The following MIB1 variants were observed in gnomAD, a reference collection of about 807,000 sequenced individuals.
MIB1 encodes E3 ubiquitin-protein ligase MIB1.
A neutral mutation model predicts 124.5 loss-of-function variants in MIB1; 278 were observed. The ratio of observed to expected loss-of-function variants is 2.23; its 90% CI spans 2.02 to 2.47. The LOEUF is 2.47. Among genes scored for constraint, MIB1 ranks in the 30% most tolerant of loss-of-function variants. The pLI is 0.00. For synonymous variants in MIB1, 446 were observed against 429.4 expected (o/e 1.04, Z -0.48); for missense variants, 957 against 1,254.4 (o/e 0.76, Z 3.58).
intron 17 of MIB1, among the ~76,000 whole-genome samples, chr18:21,850,414 A>G (rs945562578): frequency 6.6e-6 from 1 of 152,202 alleles, no homozygotes; most frequent in East Asian, 1.9e-4. Flanking sequence ...TTCTTAAGCT[A>G]TTCATTAACC....
At chr18:21,727,784 T>G (rs1474265864) in intron 1 of MIB1, among the ~76,000 whole-genome samples, 1 of 150,752 alleles carries the variant, frequency 6.6e-6, no homozygotes, top group African/African-American at 2.5e-5. Flanking sequence ...AGGTCAGGAA[T>G]GGAAAAAGAA....
At chr18:21,864,238 G>A (rs2042302240) in intron 20 of MIB1, among the ~76,000 whole-genome samples, 1 of 152,106 alleles carries the variant, frequency 6.6e-6, no homozygotes, top group Non-Finnish European at 1.5e-5. Flanking sequence ...AGCCTCTTGA[G>A]TAGCTGGGAT....
chr18:21,801,245 G>T (rs2041647827), intron 9 of MIB1, among the ~76,000 whole-genome samples: 1 of 151,530 alleles, frequency 6.6e-6, no homozygotes, highest in Admixed American at 6.6e-5. Context: ...TCCTTTCCTG[G>T]ATCTTTTGAT....
Position 21,799,968 on chromosome 18 carries a change from T to C in MIB1, c.1365T>C (p.Asp455=). The C allele has an allele frequency of 6.2e-7, 1 of 1,610,486 alleles. No individual in the cohort carries two copies. The highest frequency in any genetic ancestry group is 8.5e-7 in the Non-Finnish European group (1 of 1,177,650). The change falls in exon 9 of 21, where the codon GAT becomes GAC. Residue 455 remains aspartate, a synonymous_variant. Transcript: ENST00000261537. ...AKVEDLLKRP[D]VDVNGQCAGH... is the part of the protein sequence containing the mutation. The stretch of plus-strand genomic sequence containing the variant: ...TGGAAGATTTGCTTAAAAGACCAGA[T>C]GTGGATGTGAGCATTTTAAAAATTA...
Position 21,791,439 on chromosome 18 carries a change from GT to G in MIB1, c.975del (p.Ala326GlnfsTer41). 6.2e-7 allele frequency: 1 copy of G among 1,614,060 alleles called. No individual in the cohort carries two copies. Among genetic ancestry groups the G allele is most frequent in the Non-Finnish European group, 8.5e-7 (1 of 1,179,976 alleles). On this transcript the variant is annotated frameshift_variant, in exon 7 of 21. Transcript: ENST00000261537. LOFTEE classifies it high-confidence loss of function. Reference sequence around the variant, plus strand: ...GTCCGAAGTGGAGATGCTGCTCAGGGTGCAGAAGGAGGCACCTCGCAGTTTC... The same window carrying G: ...GTCCGAAGTGGAGATGCTGCTCAGGGGCAGAAGGAGGCACCTCGCAGTTTC... ...NIVRSGDAAQ[G>X]AEGGTSQFQV...
rs1568206357 is a variant in MIB1 at position 21,798,107 on chromosome 18, A to G, written c.1116A>G (p.Val372=). 1.9e-6 allele frequency: 3 copies of G among 1,613,182 alleles called. No individual in the cohort carries two copies. The highest frequency in any genetic ancestry group is 1.1e-5 in the South Asian group (1 of 91,012). The change falls in exon 8 of 21, where the codon GTA becomes GTG. Residue 372 remains valine, a synonymous_variant. Coordinates refer to ENST00000261537, the MANE Select transcript of MIB1 (RefSeq NM_020774.4). The part of the protein sequence containing the change: ...MLPTLGKVGR[V]QQIYSDSDLK... ...AGACTTTAGGTAAAGTTGGCCGAGT[A>G]CAACAGATTTATTCAGACAGTGATT...
chr18:21,856,089 G>T (rs2146518390), intron 18 of MIB1, among the ~76,000 whole-genome samples: 1 of 151,486 alleles, frequency 6.6e-6, no homozygotes, highest in African/African-American at 2.4e-5. Context: ...AATTAGCCGG[G>T]CGCGGTGGCG....
chr18:21,755,394 C>G (rs979311784), intron 1 of MIB1, among the ~76,000 whole-genome samples: 3 of 150,754 alleles, frequency 2.0e-5, no homozygotes, highest in Non-Finnish European at 4.4e-5. Flanking sequence ...TGCAATGGCA[C>G]TATCTCGGCT....
At chr18:21,719,622 T>C (rs1235013489) in intron 1 of MIB1, among the ~76,000 whole-genome samples, 1 of 150,920 alleles carries the variant, frequency 6.6e-6, no homozygotes, top group African/African-American at 2.4e-5. Flanking sequence ...ATTTTTTTTT[T>C]TTTTTTTTGT....
chr18:21,823,089 C>T (rs984820657), intron 12 of MIB1, among the ~76,000 whole-genome samples: 1 of 151,934 alleles, frequency 6.6e-6, no homozygotes, highest in African/African-American at 2.4e-5. Context: ...CAAAAATCAG[C>T]TGGGTGTAGT....
At chr18:21,749,857 G>C (rs1001792580) in intron 1 of MIB1, among the ~76,000 whole-genome samples, 1 of 151,742 alleles carries the variant, frequency 6.6e-6, no homozygotes, top group Non-Finnish European at 1.5e-5. Flanking sequence ...GGTCAGGCTG[G>C]TCTCGAACTC....
rs398032096 is a variant in MIB1 at position 21,860,098 on chromosome 18, C to CTTTTTTTTTTTTTTT, written c.2880+1465_2880+1479dup. ...GTGTTGGTTATGTTGTTCTTTATGT[C>CTTTTTTTTTTTTTTT]TTTTTTTTTTTTTTTTTTTTTTTTT... On this transcript the variant is annotated intron_variant, in intron 20 of 20. Transcript: ENST00000261537. Among the ~76,000 whole-genome samples the CTTTTTTTTTTTTTTT allele has an allele frequency of 8.7e-4, 23 of 26,462 alleles. 6 individuals carry two copies. Among genetic ancestry groups the CTTTTTTTTTTTTTTT allele is most frequent in the East Asian group, 1.5e-3 (1 of 676 alleles). 17.4% of individuals were successfully genotyped at this position (26,462 alleles called of 152,430 possible).
At chr18:21,779,448 T>C (rs549301561) in intron 5 of MIB1, 33 bp from the exon 6 acceptor site, 45 of 1,579,910 alleles carry the variant, frequency 2.8e-5, no homozygotes, top group Admixed American at 5.0e-5. Context: ...GAGGTTTTTT[T>C]CTCCCTTTAT....
At chr18:21,792,704 C>T (rs145684007) in intron 7 of MIB1, among the ~76,000 whole-genome samples, 65 of 152,274 alleles carry the variant, frequency 4.3e-4, no homozygotes, top group Non-Finnish European at 8.5e-4. Context: ...TACAATATTA[C>T]AAGAGGGTGA....
Position 21,741,838 on chromosome 18 carries a change from C to T in MIB1, c.229+26C>T. The T allele has an allele frequency of 1.3e-6, 2 of 1,540,694 alleles. No homozygotes were observed. Among genetic ancestry groups the T allele is most frequent in the African/African-American group, 2.7e-5 (2 of 73,070 alleles). On this transcript the variant is annotated intron_variant, in intron 1 of 20. Coordinates refer to ENST00000261537, the MANE Select transcript of MIB1 (RefSeq NM_020774.4). This position sits in a 1 kb window ranked among gnomAD's most constrained non-coding sequence, Gnocchi z 5.4. ...GTAAGCCGCGGCCACCTGGCCAGGG[C>T]TTGCGCGCGCGGGGGGAAGGGGCGA...
At chr18:21,844,304 C>G in intron 15 of MIB1, 51 bp downstream of exon 15, 5 of 1,552,986 alleles carry the variant, frequency 3.2e-6, no homozygotes, top group Non-Finnish European at 4.4e-6. Context: ...TCTTTTCATG[C>G]AAGATCTTAT....
intron 18 of MIB1, among the ~76,000 whole-genome samples, chr18:21,853,698 TTTTC>T (rs2042200773): frequency 6.6e-6 from 1 of 152,074 alleles, no homozygotes; most frequent in South Asian, 2.1e-4. Context: ...TTTAGAAATC[TTTTC>T]TTTGTGAGGG....
At chr18:21,725,094 CA>C (rs1218383555) in intron 1 of MIB1, among the ~76,000 whole-genome samples, 292 of 44,200 alleles carry the variant, frequency 6.6e-3, no homozygotes, top group East Asian at 0.024. Context: ...GACTCTGTCT[CA>C]AAAAAAAAAA....
intron 9 of MIB1, among the ~76,000 whole-genome samples, chr18:21,803,165 C>A (rs2146458552): frequency 6.6e-6 from 1 of 152,230 alleles, no homozygotes; most frequent in African/African-American, 2.4e-5. Flanking sequence ...CTCCCTTTAT[C>A]TTTATGGATT....
Sources: gnomAD v4.1 joint callset for allele counts (sites outside exome capture counted in the v4.1 genomes callset) on GRCh38, gnomAD v4.1.1 for gene constraint, Gnocchi (gnomAD v3.1) non-coding constraint, MANE v1.5 for transcripts, NCBI Gene and HGNC (gene_info 2026-07-23, HGNC 2026-07-21) for gene names.